MBNL2: variants seen among roughly 807,000 people sequenced by gnomAD.
The protein encoded by MBNL2 is muscleblind like splicing regulator 2, also known as muscleblind-like protein 2.
In MBNL2, 17 loss-of-function variants were observed where a neutral mutation model predicts 41.9. The observed-to-expected ratio is 0.41, with a 90% CI of 0.28 to 0.61. The LOEUF (loss-of-function observed/expected upper bound fraction) is 0.61. Among genes scored for constraint, MBNL2 ranks in the 20% least tolerant of loss-of-function variants. The pLI is 0.35. For missense variants in MBNL2, 336 were observed against 505.6 expected (o/e 0.66, Z 3.22); for synonymous variants, 195 against 182.9 (o/e 1.07, Z -0.53).
At chr13:97,210,571 ATTTTTTTTTTTTTTTTTTTT>A in the MBNL2 span, among the ~76,000 whole-genome samples, 10 of 65,410 alleles carry the variant, frequency 1.5e-4, no homozygotes, top group African/African-American at 3.8e-4. Context: ...ACAACTGTGA[ATTTTTTTTTTTTTTTTTTTT>A]TTTTTTTTTT....
intron 1 of MBNL2, among the ~76,000 whole-genome samples, chr13:97,258,437 A>G (rs551177867): frequency 2.0e-5 from 3 of 152,280 alleles, no homozygotes; most frequent in Non-Finnish European, 2.9e-5. Context: ...TACTTCTAGG[A>G]TGAAAGTAAT....
intron 1 of MBNL2, among the ~76,000 whole-genome samples, chr13:97,243,676 T>C (rs1212932761): frequency 5.3e-5 from 8 of 152,232 alleles, no homozygotes; most frequent in African/African-American, 1.9e-4. Flanking sequence ...TAATAGACAA[T>C]TGAGCATTTA....
At chr13:97,218,201 G>A (rs2040532440), upstream of MBNL2, among the ~76,000 whole-genome samples, 1 of 152,008 alleles carries the variant, frequency 6.6e-6, no homozygotes, top group Admixed American at 6.6e-5. Context: ...ATGAGGTCAG[G>A]AGATTGAGAC....
intron 1 of MBNL2, among the ~76,000 whole-genome samples, chr13:97,257,911 A>G (rs930596451): frequency 6.6e-6 from 1 of 152,116 alleles, no homozygotes; most frequent in African/African-American, 2.4e-5. Flanking sequence ...CTTTCTCCCC[A>G]TTTCTCTGTT....
intron 2 of MBNL2, among the ~76,000 whole-genome samples, chr13:97,292,369 G>A (rs1478030372): frequency 6.6e-6 from 1 of 152,132 alleles, no homozygotes; most frequent in Non-Finnish European, 1.5e-5. Flanking sequence ...CCCAAAGCTT[G>A]GGGAGAACTC....
chr13:97,216,509 A>G (rs1012109477), upstream of MBNL2, among the ~76,000 whole-genome samples: 1 of 152,236 alleles, frequency 6.6e-6, no homozygotes, highest in African/African-American at 2.4e-5. Flanking sequence ...ATCACAGACC[A>G]GGCCCGTCAG....
chr13:97,261,005 T>C (rs895119807), intron 1 of MBNL2, among the ~76,000 whole-genome samples: 9 of 152,112 alleles, frequency 5.9e-5, no homozygotes, highest in Non-Finnish European at 4.4e-5. Context: ...CCAATGAAGA[T>C]GCTAACCCCA....
chr13:97,324,584 G>A (rs1157650332), intron 2 of MBNL2, among the ~76,000 whole-genome samples: 2 of 152,122 alleles, frequency 1.3e-5, no homozygotes. Flanking sequence ...AGAACTAATA[G>A]GATAGATGTA....
At chr13:97,312,454 T>C (rs1432224862) in intron 2 of MBNL2, among the ~76,000 whole-genome samples, 1 of 152,212 alleles carries the variant, frequency 6.6e-6, no homozygotes, top group Admixed American at 6.5e-5. Flanking sequence ...CCTCTTTTAC[T>C]GGAGGTAGGT....
At chr13:97,271,245 A>G (rs1018527244) in intron 1 of MBNL2, among the ~76,000 whole-genome samples, 5 of 150,130 alleles carry the variant, frequency 3.3e-5, no homozygotes, top group Non-Finnish European at 7.4e-5. Flanking sequence ...CCTCCCAAGT[A>G]GCTGGGATTA....
chr13:97,340,120 A>G (rs2061332352), intron 3 of MBNL2, among the ~76,000 whole-genome samples: 1 of 152,226 alleles, frequency 6.6e-6, no homozygotes, highest in South Asian at 2.1e-4. Flanking sequence ...ATTAAAGAAG[A>G]CAAGTGTGAG....
At chr13:97,313,344 T>C (rs537093237) in intron 2 of MBNL2, among the ~76,000 whole-genome samples, 1 of 152,230 alleles carries the variant, frequency 6.6e-6, no homozygotes, top group African/African-American at 2.4e-5. Flanking sequence ...TGCATCTAAC[T>C]GCACTCTTGT....
rs778311613 is a variant in MBNL2, at chr13:97,363,795, T to C, written c.1013-1341T>C. 7.9e-5 allele frequency among the ~76,000 whole-genome samples: 12 copies of C among 152,250 alleles called. No individual in the cohort carries two copies. In the South Asian group the frequency reaches 8.3e-4, roughly 11 times the overall value. On this transcript the variant is annotated intron_variant, in intron 7 of 8. Coordinates refer to ENST00000679496, the MANE Select transcript of MBNL2 (RefSeq NM_001382683.1). The stretch of plus-strand genomic sequence containing the variant: ...ACACATTTGTTGAAGAATCTGGCAG[T>C]AGCCCAGTTAAATAGCCCCCTCCTG...
chr13:97,318,055 T>G (rs1236634868), intron 2 of MBNL2, among the ~76,000 whole-genome samples: 1 of 152,166 alleles, frequency 6.6e-6, no homozygotes, highest in East Asian at 1.9e-4. Flanking sequence ...CCAGGCTGAG[T>G]AGGTTCAAGT....
upstream of MBNL2, among the ~76,000 whole-genome samples, chr13:97,216,995 AATAC>A (rs2152751337): frequency 6.7e-6 from 1 of 148,730 alleles, no homozygotes; most frequent in South Asian, 2.1e-4. Context: ...ATATATACGT[AATAC>A]ATATTATAGA....
At chr13:97,160,226 C>T in the MBNL2 span, among the ~76,000 whole-genome samples, 1 of 152,178 alleles carries the variant, frequency 6.6e-6, no homozygotes, top group Non-Finnish European at 1.5e-5. Flanking sequence ...GCCTGTCAAG[C>T]CAATTACATC....
At chr13:97,377,053 C>T (rs1310904864) in intron 8 of MBNL2, among the ~76,000 whole-genome samples, 1 of 152,128 alleles carries the variant, frequency 6.6e-6, no homozygotes, top group African/African-American at 2.4e-5. Context: ...CAGACAGCGA[C>T]AACATAACTC....
Position 97,382,598 on chromosome 13 carries a change from C to T in MBNL2, c.1049-8724C>T, listed in dbSNP as rs186782633. On this transcript the variant is annotated intron_variant, in intron 8 of 8. Transcript: ENST00000679496. Reference sequence around the variant, plus strand: ...GGAAGATAAAATCTCGGGCCTGCTTCTGGGTAGCCACCAGACCCATTCACA... The same window carrying T: ...GGAAGATAAAATCTCGGGCCTGCTTTTGGGTAGCCACCAGACCCATTCACA... 8.8e-3 allele frequency among the ~76,000 whole-genome samples: 1,337 copies of T among 151,764 alleles called. 7 individuals carry two copies. The highest frequency in any genetic ancestry group is 0.015 in the Non-Finnish European group (1,004 of 67,998).
At chr13:97,371,949 C>T (rs996233486) in intron 8 of MBNL2, among the ~76,000 whole-genome samples, 1 of 152,190 alleles carries the variant, frequency 6.6e-6, no homozygotes, top group Non-Finnish European at 1.5e-5. Flanking sequence ...TCACATGGGC[C>T]TTCCCATTTC....
Sources: gnomAD v4.1 joint callset for allele counts (sites outside exome capture counted in the v4.1 genomes callset) on GRCh38, gnomAD v4.1.1 for gene constraint, MANE v1.5 for transcripts, NCBI Gene and HGNC (gene_info 2026-07-23, HGNC 2026-07-21) for gene names.